Variants in ZNF385B observed in about 807,000 individuals in gnomAD.
The protein encoded by ZNF385B is zinc finger protein 533.
A neutral mutation model predicts 39.2 loss-of-function variants in ZNF385B; 23 were observed. The ratio of observed to expected loss-of-function variants is 0.59; its 90% CI spans 0.42 to 0.83. The LOEUF (loss-of-function observed/expected upper bound fraction) is 0.83, where lower values mean the gene tolerates loss of function less well. Ranked by LOEUF, ZNF385B falls within the 40% of genes least tolerant of loss-of-function variation. The probability of loss-of-function intolerance (pLI) is 0.00; values close to 1 mark genes in which losing one functional copy is unlikely to be tolerated. For missense variants in ZNF385B, 552 were observed against 598.9 expected (o/e 0.92, Z 0.82); for synonymous variants, 205 against 222.6 (o/e 0.92, Z 0.70).
At chr2:179,620,248 C>G (rs553390203) in intron 3 of ZNF385B, among the ~76,000 whole-genome samples, 2 of 152,250 alleles carry the variant, frequency 1.3e-5, no homozygotes, top group East Asian at 3.9e-4. Flanking sequence ...TGCAAAATCC[C>G]TACTGTAGAT....
intron 3 of ZNF385B, among the ~76,000 whole-genome samples, chr2:179,660,747 C>T (rs1360253085): frequency 6.6e-6 from 1 of 152,130 alleles, no homozygotes; most frequent in Admixed American, 6.5e-5. Flanking sequence ...CTTACAGTTA[C>T]AGGCATGTGT....
chr2:179,473,847 G>T (rs1456272747), intron 6 of ZNF385B, among the ~76,000 whole-genome samples: 1 of 152,140 alleles, frequency 6.6e-6, no homozygotes, highest in Non-Finnish European at 1.5e-5. Context: ...TCCCTGCAAA[G>T]GATGTGAACT....
chr2:179,660,487 T>C (rs1694337461), intron 3 of ZNF385B, among the ~76,000 whole-genome samples: 1 of 152,234 alleles, frequency 6.6e-6, no homozygotes, highest in Non-Finnish European at 1.5e-5. Flanking sequence ...TTTCTTCTGT[T>C]TTCCATTCCA....
chr2:179,735,685 T>C (rs1575384394), intron 3 of ZNF385B, among the ~76,000 whole-genome samples: 1 of 149,190 alleles, frequency 6.7e-6, no homozygotes, highest in Admixed American at 6.6e-5. Context: ...ATATACACAA[T>C]GGAATACTAT....
intron 3 of ZNF385B, among the ~76,000 whole-genome samples, chr2:179,661,833 A>C (rs12465360): frequency 0.13 from 19,177 of 152,230 alleles, 1,845 homozygotes; most frequent in African/African-American, 0.26. Flanking sequence ...ATAGCTGTTC[A>C]TATTGTTCCC....
intron 3 of ZNF385B, among the ~76,000 whole-genome samples, chr2:179,694,937 A>T (rs1286607399): frequency 6.9e-6 from 1 of 145,946 alleles, no homozygotes; most frequent in African/African-American, 2.6e-5. Flanking sequence ...CTCAAAAAAG[A>T]AAAAAGAAAA....
At chr2:179,703,263 C>T (rs1057201529) in intron 3 of ZNF385B, among the ~76,000 whole-genome samples, 4 of 152,176 alleles carry the variant, frequency 2.6e-5, no homozygotes, top group African/African-American at 9.7e-5. Flanking sequence ...AAGACCTTAG[C>T]ACCTAAACTC....
At chr2:179,754,791 T>G (rs908317114) in intron 3 of ZNF385B, among the ~76,000 whole-genome samples, 13 of 152,186 alleles carry the variant, frequency 8.5e-5, no homozygotes, top group African/African-American at 3.1e-4. Context: ...CCTTTATCAT[T>G]TTTTATTATG....
chr2:179,798,188 T>G (rs1705798133), intron 1 of ZNF385B, among the ~76,000 whole-genome samples: 1 of 152,058 alleles, frequency 6.6e-6, no homozygotes, highest in Non-Finnish European at 1.5e-5. Flanking sequence ...CTTTGGTTAG[T>G]AAGAGCCTGT....
chr2:179,604,832 T>C (rs976107640), intron 3 of ZNF385B, among the ~76,000 whole-genome samples: 6 of 152,128 alleles, frequency 3.9e-5, no homozygotes, highest in Non-Finnish European at 8.8e-5. Context: ...TTTACAATTG[T>C]GAAATGTCAC....
At chr2:179,818,652 C>T (rs1707216267) in intron 1 of ZNF385B, among the ~76,000 whole-genome samples, 1 of 152,186 alleles carries the variant, frequency 6.6e-6, no homozygotes, top group Non-Finnish European at 1.5e-5. Flanking sequence ...ACACGGTATG[C>T]TGGACTACAA....
rs558304361 is a variant in ZNF385B, at chr2:179,553,765, T to C, written c.299-8796A>G. ...AACAAAGCTTAAAGCGGTTCTTTTC[T>C]GCAACGCATCTTAGAGTTTTTAATA... On this transcript the variant is annotated intron_variant, in intron 3 of 9. Coordinates refer to ENST00000410066, the MANE Select transcript of ZNF385B (RefSeq NM_152520.6). Among the ~76,000 whole-genome samples the C allele has an allele frequency of 3.6e-4, 54 of 149,632 alleles. 5 individuals carry two copies. Among genetic ancestry groups the C allele is most frequent in the African/African-American group, 1.4e-3 (54 of 39,870 alleles).
At chr2:179,760,633 G>A (rs1286788350) in intron 3 of ZNF385B, among the ~76,000 whole-genome samples, 1 of 152,090 alleles carries the variant, frequency 6.6e-6, no homozygotes. Flanking sequence ...TTTACAAAAA[G>A]GCTCATTGCA....
chr2:179,715,730 A>C (rs1700291225), intron 3 of ZNF385B, among the ~76,000 whole-genome samples: 1 of 152,166 alleles, frequency 6.6e-6, no homozygotes, highest in African/African-American at 2.4e-5. Context: ...TAAAATAATG[A>C]TAAATGCCCA....
At chr2:179,516,562 ATCAT>A (rs1376954918) in intron 5 of ZNF385B, among the ~76,000 whole-genome samples, 7 of 152,036 alleles carry the variant, frequency 4.6e-5, no homozygotes, top group African/African-American at 1.7e-4. Flanking sequence ...GTGCTTATTC[ATCAT>A]TCATATTTCT....
At chr2:179,490,050 T>C (rs1314644284) in intron 5 of ZNF385B, among the ~76,000 whole-genome samples, 1 of 152,224 alleles carries the variant, frequency 6.6e-6, no homozygotes, top group Admixed American at 6.5e-5. Flanking sequence ...ATCTTCTGGA[T>C]TGTGCCAGGC....
intron 4 of ZNF385B, among the ~76,000 whole-genome samples, chr2:179,537,812 T>C (rs2059682558): frequency 6.6e-6 from 1 of 151,876 alleles, no homozygotes; most frequent in African/African-American, 2.4e-5. Context: ...GGCATAGAAA[T>C]CAATGCTTAA....
intron 5 of ZNF385B, among the ~76,000 whole-genome samples, chr2:179,505,791 G>A (rs1420180022): frequency 6.6e-6 from 1 of 151,998 alleles, no homozygotes; most frequent in Admixed American, 6.6e-5. Flanking sequence ...TTCACTTCAG[G>A]TGCAGGAAAT....
intron 3 of ZNF385B, among the ~76,000 whole-genome samples, chr2:179,648,382 A>G (rs1692922829): frequency 6.6e-6 from 1 of 152,134 alleles, no homozygotes; most frequent in Non-Finnish European, 1.5e-5. Context: ...AAGGGAGAAA[A>G]TAAGAGTATA....
Sources: gnomAD v4.1 joint callset for allele counts (sites outside exome capture counted in the v4.1 genomes callset) on GRCh38, gnomAD v4.1.1 for gene constraint, MANE v1.5 for transcripts, NCBI Gene and HGNC (gene_info 2026-07-23, HGNC 2026-07-21) for gene names.